The following NRG3 variants were observed in gnomAD, a reference collection of about 807,000 sequenced individuals.
NRG3 encodes pro-neuregulin-3, membrane-bound isoform.
NRG3 carries 31 observed loss-of-function variants against 66.9 expected under a neutral mutation model. The ratio of observed to expected loss-of-function variants is 0.46; its 90% CI spans 0.35 to 0.63. NRG3 has a LOEUF of 0.63. NRG3 is among the 20% of genes least tolerant of loss of function. The probability of loss-of-function intolerance (pLI) is 0.00; values close to 1 mark genes in which losing one functional copy is unlikely to be tolerated. For missense variants in NRG3, 910 were observed against 878.9 expected (o/e 1.04, Z -0.45); for synonymous variants, 393 against 359.4 (o/e 1.09, Z -1.06).
rs577613844 is a variant in NRG3, at chr10:82,142,145, G to A, written c.824-216594G>A. Among the ~76,000 whole-genome samples, 15 of 152,266 alleles carry A rather than the reference G, an allele frequency of 9.9e-5. No homozygotes were observed. In the South Asian group the frequency reaches 1.0e-3, roughly 11 times the overall value. Reference sequence around the variant, plus strand: ...ATTCATCCAAGAACATCTTGTTGAGGAATACACAAAAGATTTTGACTGCAG... The same window carrying A: ...ATTCATCCAAGAACATCTTGTTGAGAAATACACAAAAGATTTTGACTGCAG... On this transcript the variant is annotated intron_variant, in intron 1 of 8. Transcript: ENST00000372141.
At chr10:82,385,957 A>G (rs2085952909) in intron 2 of NRG3, among the ~76,000 whole-genome samples, 1 of 152,184 alleles carries the variant, frequency 6.6e-6, no homozygotes, top group Non-Finnish European at 1.5e-5. Flanking sequence ...AAACTGCTAA[A>G]TACAAAAAAA....
chr10:82,514,500 T>C (rs1025727802), intron 2 of NRG3, among the ~76,000 whole-genome samples: 3 of 152,182 alleles, frequency 2.0e-5, no homozygotes, highest in Non-Finnish European at 2.9e-5. Context: ...GTTGTAGATG[T>C]GCGGTCTTGT....
chr10:82,237,821 G>A (rs1452379953), intron 1 of NRG3, among the ~76,000 whole-genome samples: 2 of 152,108 alleles, frequency 1.3e-5, no homozygotes, highest in East Asian at 1.9e-4. Flanking sequence ...CTTTCAAAAT[G>A]ATGCTTTTTC....
chr10:82,888,808 A>T (rs1341973529), intron 4 of NRG3, among the ~76,000 whole-genome samples: 1 of 152,056 alleles, frequency 6.6e-6, no homozygotes, highest in Non-Finnish European at 1.5e-5. Context: ...CAAGGAGTTG[A>T]ATTTTTAAAC....
At chr10:82,667,413 T>A (rs977419507) in intron 2 of NRG3, among the ~76,000 whole-genome samples, 1 of 152,220 alleles carries the variant, frequency 6.6e-6, no homozygotes, top group South Asian at 2.1e-4. Context: ...TGTTAATGTG[T>A]TTTTTTCCAG....
chr10:82,588,840 T>C (rs1221476030), intron 2 of NRG3, among the ~76,000 whole-genome samples: 2 of 152,192 alleles, frequency 1.3e-5, no homozygotes, highest in African/African-American at 4.8e-5. Context: ...CCTCAGGTAT[T>C]TCTTTATAGC....
chr10:82,931,510 T>A (rs1291572164), intron 4 of NRG3, among the ~76,000 whole-genome samples: 1 of 152,168 alleles, frequency 6.6e-6, no homozygotes, highest in Non-Finnish European at 1.5e-5. Flanking sequence ...TCAGAGTACC[T>A]GCCACAGAAT....
intron 1 of NRG3, among the ~76,000 whole-genome samples, chr10:82,196,192 A>C (rs1185831107): frequency 6.6e-6 from 1 of 152,178 alleles, no homozygotes; most frequent in African/African-American, 2.4e-5. Context: ...TTCATAAGCA[A>C]AATGCTGTGC....
At position 82,315,667 on chromosome 10, in the gene NRG3, G is replaced by GTT. The variant is rs754250306; in HGVS notation, c.824-43057_824-43056dup. On this transcript the variant is annotated intron_variant, in intron 1 of 8. Transcript: ENST00000372141. ...GACAACAGAATCATATACGTTTGTT[G>GTT]TTTTTTTTTTTTTTTTGAGACGGAG... is the stretch of plus-strand genomic sequence containing the variant. Among the ~76,000 whole-genome samples the GTT allele has an allele frequency of 1.7e-3, 234 of 136,336 alleles. 2 individuals carry two copies. Among genetic ancestry groups the GTT allele is most frequent in the East Asian group, 0.011 (49 of 4,664 alleles). 89.4% of individuals were successfully genotyped at this position (136,336 alleles called of 152,430 possible).
chr10:82,881,480 G>A (rs1375525737), intron 4 of NRG3, among the ~76,000 whole-genome samples: 1 of 152,120 alleles, frequency 6.6e-6, no homozygotes, highest in Non-Finnish European at 1.5e-5. Context: ...GGGGCCTTTT[G>A]TTCCTACCAG....
intron 1 of NRG3, among the ~76,000 whole-genome samples, chr10:82,287,520 G>C (rs1312778017): frequency 6.6e-6 from 1 of 151,476 alleles, no homozygotes; most frequent in Non-Finnish European, 1.5e-5. Flanking sequence ...AAGCAGGGAG[G>C]GTCAAAGAAG....
At chr10:81,883,890 G>A (rs1361795679) in intron 1 of NRG3, among the ~76,000 whole-genome samples, 1 of 152,176 alleles carries the variant, frequency 6.6e-6, no homozygotes, top group Non-Finnish European at 1.5e-5. Flanking sequence ...AGTCTTGGAA[G>A]GGGCTTAAGA....
At chr10:82,738,735 A>G (rs1229883158) in intron 3 of NRG3, 85 bp downstream of exon 3, 15 of 1,186,282 alleles carry the variant, frequency 1.3e-5, no homozygotes, top group Non-Finnish European at 1.6e-5. Flanking sequence ...GCTGAAAGCT[A>G]TATTTCAGTC....
intron 1 of NRG3, among the ~76,000 whole-genome samples, chr10:82,152,452 A>C (rs2070827308): frequency 6.6e-6 from 1 of 152,166 alleles, no homozygotes; most frequent in African/African-American, 2.4e-5. Flanking sequence ...GTCACCCAGC[A>C]AATTGATGAC....
chr10:82,373,944 TC>T (rs2135763508), intron 2 of NRG3, among the ~76,000 whole-genome samples: 1 of 152,310 alleles, frequency 6.6e-6, no homozygotes, highest in East Asian at 1.9e-4. Flanking sequence ...ATGAAATGAT[TC>T]CTTTGTGAGC....
intron 3 of NRG3, among the ~76,000 whole-genome samples, chr10:82,748,097 T>A (rs2058716799): frequency 6.6e-6 from 1 of 151,440 alleles, no homozygotes; most frequent in Admixed American, 6.6e-5. Context: ...GTCTGTGGAC[T>A]TTCTACTCTG....
At chr10:82,843,913 A>G (rs1002939171) in intron 3 of NRG3, among the ~76,000 whole-genome samples, 1 of 152,236 alleles carries the variant, frequency 6.6e-6, no homozygotes, top group Non-Finnish European at 1.5e-5. Flanking sequence ...AAACCTATCT[A>G]CATAGCAACT....
chr10:82,844,260 A>G (rs1378299729), intron 3 of NRG3, among the ~76,000 whole-genome samples: 3 of 152,176 alleles, frequency 2.0e-5, no homozygotes, highest in Non-Finnish European at 4.4e-5. Context: ...ATTAAATCCC[A>G]TTATGCACAA....
chr10:82,365,687 T>C (rs2084475222), intron 2 of NRG3, among the ~76,000 whole-genome samples: 1 of 152,184 alleles, frequency 6.6e-6, no homozygotes, highest in African/African-American at 2.4e-5. Flanking sequence ...TTGCTTTGGA[T>C]ATGGATATTT....
Sources: allele counts gnomAD v4.1 joint callset (sites outside exome capture counted in the v4.1 genomes callset), GRCh38; gene constraint gnomAD v4.1.1; transcripts MANE v1.5; gene names NCBI Gene and HGNC (gene_info 2026-07-23, HGNC 2026-07-21).